The following GOLGA8H variants were observed in gnomAD, a reference collection of about 807,000 sequenced individuals.
The protein encoded by GOLGA8H is golgin A8 family member H.
GOLGA8H carries 47 observed loss-of-function variants against 82.7 expected under a neutral mutation model. The ratio of observed to expected loss-of-function variants is 0.57; its 90% CI spans 0.45 to 0.73. The LOEUF is 0.73. Ranked by LOEUF, GOLGA8H falls within the 30% of genes least tolerant of loss-of-function variation. The probability of loss-of-function intolerance (pLI) is 0.00; values close to 1 mark genes in which losing one functional copy is unlikely to be tolerated. For missense variants in GOLGA8H, 372 were observed against 661.0 expected, an observed-to-expected ratio of 0.56 and a Z score of 4.79; for synonymous variants, 108 against 241.6, an observed-to-expected ratio of 0.45 and a Z score of 5.13.
intron 11 of GOLGA8H, among the ~76,000 whole-genome samples, 177 bp from the exon 12 acceptor site, chr15:30,610,589 C>A (rs2060003528): frequency 6.6e-6 from 1 of 150,430 alleles, no homozygotes; most frequent in African/African-American, 2.5e-5. Flanking sequence ...GGCCCGTTGC[C>A]AGCCACCCGC....
At chr15:30,613,406 T>C (rs1210115211) in intron 15 of GOLGA8H, among the ~76,000 whole-genome samples, 1 of 93,114 alleles carries the variant, frequency 1.1e-5, no homozygotes, top group Non-Finnish European at 2.2e-5. Flanking sequence ...CTGCCCCATT[T>C]CTTCTGTGTA....
Position 30,615,366 on chromosome 15 carries a change from A to T in GOLGA8H, c.*805A>T, listed in dbSNP as rs1356415087. Among the ~76,000 whole-genome samples the T allele has an allele frequency of 4.0e-5, 6 of 151,862 alleles. No homozygotes were observed. Among genetic ancestry groups the T allele is most frequent in the Non-Finnish European group, 8.8e-5 (6 of 67,948 alleles). ...GCTGCAGCAGTTGCACTCTTTTTCG[A>T]TGACCTAAAAAGGGCTTATTTCTGA... On this transcript the variant is annotated 3_prime_UTR_variant, in exon 19 of 19. Transcript: ENST00000566740.
chr15:30,607,788 A>G lies in GOLGA8H; in HGVS notation c.310-242A>G, dbSNP rs1010289262. 247 of 595,212 alleles carry G rather than the reference A, an allele frequency of 4.1e-4. 3 individuals are homozygous for G. Among genetic ancestry groups the G allele is most frequent in the Admixed American group, 9.2e-4 (31 of 33,652 alleles). The allele number at this position is 595,212 out of a possible 1,614,324, so 36.9% of individuals were successfully genotyped here. A position where few individuals can be genotyped will look rare whatever the true frequency, so the allele number is the denominator to read the frequency against. On this transcript the variant is annotated intron_variant, in intron 4 of 18. Transcript: ENST00000566740. ...TGAAACTCCATCTCTAGAGGTTTAT[A>G]TTGCTGTCCTCTCAAGAGATTCCAG...
In GOLGA8H at chr15:30,614,563, C is replaced by T. The variant is rs1175722136; in HGVS notation, c.*2C>T. 1 of 1,599,340 alleles carries T rather than the reference C, an allele frequency of 6.3e-7. No individual in the cohort carries two copies. The highest frequency in any genetic ancestry group is 8.5e-7 in the Non-Finnish European group (1 of 1,179,422). On this transcript the variant is annotated 3_prime_UTR_variant, in exon 19 of 19. Transcript: ENST00000566740. ...TGGCTGCCAAGAAGAAGGAGATAAA[C>T]ATCACCATCCTCAAAGAGCTGCTCA...
intron 13 of GOLGA8H, among the ~76,000 whole-genome samples, chr15:30,611,564 C>T (rs1339585229): frequency 6.7e-6 from 1 of 150,360 alleles, no homozygotes; most frequent in Non-Finnish European, 1.5e-5. Context: ...ATCATCATCC[C>T]AGCTAGAGGC....
chr15:30,609,730 C>T (rs1186079800), intron 8 of GOLGA8H, 76 bp from the exon 9 acceptor site: 1 of 1,585,714 alleles, frequency 6.3e-7, no homozygotes, highest in Non-Finnish European at 8.6e-7. Flanking sequence ...TGGGCCTAGC[C>T]CTAGTCCTTT....
At chr15:30,610,211 C>A in intron 10 of GOLGA8H, 91 bp from the exon 11 acceptor site, 2 of 1,439,006 alleles carry the variant, frequency 1.4e-6, no homozygotes, top group South Asian at 1.1e-5. Flanking sequence ...TGGGTCTGGG[C>A]TTTGTGGAGG....
In GOLGA8H at chr15:30,617,367, T is replaced by A. The variant is rs1303494032; in HGVS notation, c.*2806T>A. 2 of 151,446 alleles carry A rather than the reference T, an allele frequency of 1.3e-5. No individual in the cohort carries two copies. The highest frequency in any genetic ancestry group is 3.9e-4 in the East Asian group (2 of 5,156). 9.4% of individuals were successfully genotyped at this position (151,446 alleles called of 1,614,324 possible). On this transcript the variant is annotated 3_prime_UTR_variant, in exon 19 of 19. Transcript: ENST00000566740. ...AAAAAATCAGCTCTAAAACCAAAGC[T>A]GATTTTAGAAAATTTGAAAATGTAA...
chr15:30,616,230 A>G lies in GOLGA8H; in HGVS notation c.*1669A>G, dbSNP rs561582207. On this transcript the variant is annotated 3_prime_UTR_variant, in exon 19 of 19. Coordinates refer to ENST00000566740, the MANE Select transcript of GOLGA8H (RefSeq NM_001282490.2). ...TGAAGTTCTAATGTCTGTGTTCCAA[A>G]ACACATCACATTGTTAGGATGCAGG... 6.6e-6 allele frequency among the ~76,000 whole-genome samples: 1 copy of G among 150,566 alleles called. No homozygotes were observed. The highest frequency in any genetic ancestry group is 2.4e-5 in the African/African-American group (1 of 40,868).
rs2060111996 is a variant in GOLGA8H at position 30,617,054 on chromosome 15, T to C, written c.*2493T>C. 6.8e-6 allele frequency: 1 copy of C among 147,854 alleles called. No individual in the cohort carries two copies. The highest frequency in any genetic ancestry group is 2.5e-5 in the African/African-American group (1 of 39,524). 9.2% of individuals were successfully genotyped at this position (147,854 alleles called of 1,614,324 possible). A position where few individuals can be genotyped will look rare whatever the true frequency, so the allele number is the denominator to read the frequency against. On this transcript the variant is annotated 3_prime_UTR_variant, in exon 19 of 19. Transcript: ENST00000566740. ...AAAGCTAAAAAGAATGGAAATTGTA[T>C]GACAATAACTCAAGTCTTTCTCCAA...
Position 30,605,918 on chromosome 15 carries a change from G to C in GOLGA8H, c.124G>C (p.Val42Leu). ...CAGGAACAGGAAAACAAATGGCAGT[G>C]TCCCTGAGAAAGCCACTTCTGGTGG... ...ANRNRKTNGS[V>L]PEKATSGGCQ... Residue 42 changes from valine to leucine, a missense_variant, in exon 2 of 19, where the codon GTC (valine) becomes CTC (leucine). Val to Leu is a conservative substitution (Grantham distance 32). Coordinates refer to ENST00000566740, the MANE Select transcript of GOLGA8H (RefSeq NM_001282490.2). 1 of 1,558,874 alleles carries C rather than the reference G, an allele frequency of 6.4e-7. No individual in the cohort carries two copies. The highest frequency in any genetic ancestry group is 2.3e-5 in the East Asian group (1 of 43,400).
In GOLGA8H at chr15:30,615,616, A is replaced by ACAGG. The variant is rs1451303624; in HGVS notation, c.*1057_*1060dup. Among the ~76,000 whole-genome samples, 19 of 146,092 alleles carry ACAGG rather than the reference A, an allele frequency of 1.3e-4. No individual in the cohort carries two copies. The East Asian group carries it at 3.7e-3, about 29-fold the overall frequency. On this transcript the variant is annotated 3_prime_UTR_variant, in exon 19 of 19. Coordinates refer to ENST00000566740, the MANE Select transcript of GOLGA8H (RefSeq NM_001282490.2). The stretch of plus-strand genomic sequence containing the variant: ...GTTCAAACGTCCCTGGAACAGGCAT[A>ACAGG]CAGGCTCTAGTCAAGAATGAATTAG...
chr15:30,605,797 AG>A (rs1567480899), intron 1 of GOLGA8H, 45 bp from the exon 2 acceptor site: 1 of 1,589,470 alleles, frequency 6.3e-7, no homozygotes, highest in South Asian at 1.1e-5. Context: ...ATGTGGCTGC[AG>A]GGGCTGACGG....
At chr15:30,609,118 C>CGT (rs57392338) in intron 8 of GOLGA8H, among the ~76,000 whole-genome samples, 1,641 of 85,196 alleles carry the variant, frequency 0.019, 27 homozygotes, top group Middle Eastern at 0.037. Context: ...AACGTGTGTG[C>CGT]GTGTGTGTGT....
chr15:30,617,275 G>T lies in GOLGA8H; in HGVS notation c.*2714G>T, dbSNP rs1433550356. The T allele has an allele frequency of 6.6e-6, 1 of 151,940 alleles. No homozygotes were observed. The highest frequency in any genetic ancestry group is 1.9e-4 in the East Asian group (1 of 5,166). 9.4% of individuals were successfully genotyped at this position (151,940 alleles called of 1,614,324 possible). ...GGAAGAATCAAAACACCTATTTAAAGATGGCAATATATAATAATCATTTTA... is the reference window on the plus strand; with the variant it reads ...GGAAGAATCAAAACACCTATTTAAATATGGCAATATATAATAATCATTTTA... On this transcript the variant is annotated 3_prime_UTR_variant, in exon 19 of 19. Coordinates refer to ENST00000566740, the MANE Select transcript of GOLGA8H (RefSeq NM_001282490.2).
intron 4 of GOLGA8H, chr15:30,607,782 G>A (rs1240170146): frequency 5.0e-6 from 3 of 596,008 alleles, no homozygotes; most frequent in Admixed American, 3.0e-5. Context: ...ATCTCTAGAG[G>A]TTTATATTGC....
In GOLGA8H at chr15:30,604,305, C is replaced by T; in HGVS notation, c.48+132C>T. The T allele has an allele frequency of 9.9e-6, 15 of 1,515,882 alleles. 1 individual carries two copies. The highest frequency in any genetic ancestry group is 1.3e-5 in the Non-Finnish European group (15 of 1,135,456). The allele number at this position is 1,515,882 out of a possible 1,614,324, so 93.9% of individuals were successfully genotyped here. ...CCCCTACCCCGGTGCCTCTGGGCTA[C>T]CCCCATCAAAGTTTTGTCAGTCAGC... On this transcript the variant is annotated intron_variant, in intron 1 of 18. Transcript: ENST00000566740.
chr15:30,615,053 C>T lies in GOLGA8H; in HGVS notation c.*492C>T, dbSNP rs1414470047. Among the ~76,000 whole-genome samples the T allele has an allele frequency of 6.6e-6, 1 of 151,646 alleles. No individual in the cohort carries two copies. Among genetic ancestry groups the T allele is most frequent in the Non-Finnish European group, 1.5e-5 (1 of 67,898 alleles). The stretch of plus-strand genomic sequence containing the variant: ...TATGTAGTTTGCCCCCAAGTGTGCA[C>T]TGTTTATTACTTTGTAATATGCCAC... On this transcript the variant is annotated 3_prime_UTR_variant, in exon 19 of 19. Transcript: ENST00000566740.
At chr15:30,610,551 G>C (rs1270968714) in intron 11 of GOLGA8H, among the ~76,000 whole-genome samples, 162 bp downstream of exon 11, 1 of 149,534 alleles carries the variant, frequency 6.7e-6, no homozygotes, top group South Asian at 2.1e-4. Flanking sequence ...ATGAGTCTCA[G>C]TGTCTCAGTG....
Sources: allele counts gnomAD v4.1 joint callset (sites outside exome capture counted in the v4.1 genomes callset), GRCh38; gene constraint gnomAD v4.1.1; transcripts MANE v1.5; gene names NCBI Gene and HGNC (gene_info 2026-07-23, HGNC 2026-07-21).